Variants in LANCL3 observed in about 807,000 individuals in gnomAD.
The protein encoded by LANCL3 is lanC-like protein 3.
LANCL3 carries 19 observed loss-of-function variants against 26.5 expected under a neutral mutation model. That is an observed-to-expected ratio of 0.72 (90% CI 0.50 to 1.05). The LOEUF (loss-of-function observed/expected upper bound fraction) is 1.05, where lower values mean the gene tolerates loss of function less well. LANCL3 is among the 50% of genes least tolerant of loss of function. The probability of loss-of-function intolerance (pLI) is 0.00; values close to 1 mark genes in which losing one functional copy is unlikely to be tolerated. For missense variants in LANCL3, 318 were observed against 362.7 expected (o/e 0.88, Z 1.00); for synonymous variants, 160 against 166.6 (o/e 0.96, Z 0.30).
At chrX:37,674,175 A>G (rs1358421853) in intron 4 of LANCL3, among the ~76,000 whole-genome samples, 5 of 111,684 alleles carry the variant, frequency 4.5e-5, no homozygotes, top group African/African-American at 9.7e-5. Context: ...TTGCTTGACA[A>G]AGAGATTGTG....
intron 1 of LANCL3, among the ~76,000 whole-genome samples, chrX:37,632,355 G>A (rs1183031308): frequency 9.0e-6 from 1 of 111,540 alleles, no homozygotes; most frequent in Non-Finnish European, 1.9e-5. Context: ...GTCTCTGCAT[G>A]TGAGATGGGT....
chrX:37,667,635 G>A, intron 4 of LANCL3, 146 bp downstream of exon 4: 1 of 384,528 alleles, frequency 2.6e-6, no homozygotes, highest in East Asian at 4.6e-5. Context: ...CTTCCCTAGA[G>A]ACAGTTTCTT....
intron 1 of LANCL3, among the ~76,000 whole-genome samples, chrX:37,636,320 G>T (rs1208147679): frequency 9.0e-6 from 1 of 111,601 alleles, no homozygotes; most frequent in South Asian, 3.7e-4. Context: ...ATTCCTTTGG[G>T]TATATACCCA....
At chrX:37,642,256 G>C (rs1556425987) in intron 1 of LANCL3, among the ~76,000 whole-genome samples, 2 of 112,014 alleles carry the variant, frequency 1.8e-5, no homozygotes, top group African/African-American at 6.5e-5. Context: ...TGCTTTGCAG[G>C]GTAGTGAAGG....
intron 1 of LANCL3, among the ~76,000 whole-genome samples, chrX:37,638,233 C>G (rs1195019913): frequency 9.0e-6 from 1 of 111,150 alleles, no homozygotes; most frequent in Non-Finnish European, 1.9e-5. Context: ...CTTCTTGGTC[C>G]TAGCTGCCCT....
chrX:37,659,384 A>G (rs2146783327), intron 2 of LANCL3, 78 bp from the exon 3 acceptor site: 1 of 724,463 alleles, frequency 1.4e-6, no homozygotes, highest in East Asian at 3.3e-5. Flanking sequence ...ATTGTTTTAT[A>G]TCCTGTTGAT....
At chrX:37,608,759 C>T (rs1202553980) in intron 1 of LANCL3, among the ~76,000 whole-genome samples, 1 of 111,947 alleles carries the variant, frequency 8.9e-6, no homozygotes. Context: ...ATCAAATTGC[C>T]TTTACTCATC....
intron 1 of LANCL3, among the ~76,000 whole-genome samples, chrX:37,590,952 C>T (rs1924254720): frequency 8.9e-6 from 1 of 111,919 alleles, no homozygotes; most frequent in Non-Finnish European, 1.9e-5. Context: ...GAACGAATTT[C>T]TTAGACTGTA....
At chrX:37,576,740 G>A (rs1159008867) in intron 1 of LANCL3, among the ~76,000 whole-genome samples, 4 of 111,780 alleles carry the variant, frequency 3.6e-5, no homozygotes, top group Non-Finnish European at 5.6e-5. Context: ...GATGTAATCA[G>A]GAACTAACTG....
intron 1 of LANCL3, among the ~76,000 whole-genome samples, chrX:37,638,444 C>G (rs1232718887): frequency 9.0e-6 from 1 of 111,200 alleles, no homozygotes; most frequent in East Asian, 2.8e-4. Context: ...AGGGTGTGTA[C>G]TTTTTTCTAT....
chrX:37,676,819 T>C lies in LANCL3; in HGVS notation c.*1006T>C, dbSNP rs1926820626. The C allele has an allele frequency of 8.9e-6, 1 of 111,756 alleles. No individual in the cohort carries two copies. Among genetic ancestry groups the C allele is most frequent in the Non-Finnish European group, 1.9e-5 (1 of 53,050 alleles). The allele number at this position is 111,756 out of a possible 1,213,427, so 9.2% of individuals were successfully genotyped here. A position where few individuals can be genotyped will look rare whatever the true frequency, so the allele number is the denominator to read the frequency against. ...TTTTGCTCCATTTTATACTATTAAA[T>C]GAAGAGATGAGTGAATTCTGTGGTT... On this transcript the variant is annotated 3_prime_UTR_variant, in exon 5 of 5. Coordinates refer to ENST00000378619, the MANE Select transcript of LANCL3 (RefSeq NM_001170331.2).
intron 1 of LANCL3, among the ~76,000 whole-genome samples, chrX:37,615,404 G>C (rs182797951): frequency 2.4e-3 from 274 of 112,026 alleles, no homozygotes; most frequent in Middle Eastern, 4.6e-3. Context: ...AAAGAGGATA[G>C]TGGTATTACC....
chrX:37,638,762 G>T (rs1044108944), intron 1 of LANCL3, among the ~76,000 whole-genome samples: 1 of 110,567 alleles, frequency 9.0e-6, no homozygotes, highest in Admixed American at 9.6e-5. Flanking sequence ...AATCTAGAAG[G>T]TTCCTTTATC....
chrX:37,587,599 C>T (rs1198281679), intron 1 of LANCL3, among the ~76,000 whole-genome samples: 2 of 113,106 alleles, frequency 1.8e-5, no homozygotes, highest in African/African-American at 6.4e-5. Context: ...CCAAGCCAGG[C>T]ATGGGATATA....
chrX:37,669,276 G>A (rs989999092), intron 4 of LANCL3, among the ~76,000 whole-genome samples: 10 of 111,345 alleles, frequency 9.0e-5, no homozygotes, highest in East Asian at 2.8e-4. Context: ...GCTCACTGTA[G>A]CCTGCAACTC....
chrX:37,641,481 T>G (rs1397679288), intron 1 of LANCL3, among the ~76,000 whole-genome samples: 1 of 110,130 alleles, frequency 9.1e-6, no homozygotes, highest in Non-Finnish European at 1.9e-5. Flanking sequence ...ACAGAAAAGG[T>G]ACCATTCATG....
At chrX:37,668,857 A>G (rs1556435009) in intron 4 of LANCL3, among the ~76,000 whole-genome samples, 1 of 112,306 alleles carries the variant, frequency 8.9e-6, no homozygotes, top group Non-Finnish European at 1.9e-5. Flanking sequence ...GATCTTTAAC[A>G]AGGTCACACA....
chrX:37,637,078 G>T (rs1204973123), intron 1 of LANCL3, among the ~76,000 whole-genome samples: 1 of 111,806 alleles, frequency 8.9e-6, no homozygotes, highest in Non-Finnish European at 1.9e-5. Context: ...TTTGGAAATA[G>T]AATGCAAATC....
At chrX:37,615,135 T>G (rs1924971753) in intron 1 of LANCL3, among the ~76,000 whole-genome samples, 2 of 111,961 alleles carry the variant, frequency 1.8e-5, no homozygotes, top group Non-Finnish European at 3.8e-5. Flanking sequence ...TCACGCAGTT[T>G]GGCCTCAGAG....
Sources: gnomAD v4.1 joint callset for allele counts (sites outside exome capture counted in the v4.1 genomes callset) on GRCh38, gnomAD v4.1.1 for gene constraint, MANE v1.5 for transcripts, NCBI Gene and HGNC (gene_info 2026-07-23, HGNC 2026-07-21) for gene names.